FRMD6: variants seen among roughly 807,000 people sequenced by gnomAD.
FRMD6 encodes FERM domain-containing protein 6.
In FRMD6, 37 loss-of-function variants were observed where a neutral mutation model predicts 73.2. The ratio of observed to expected loss-of-function variants is 0.51; its 90% CI spans 0.39 to 0.66. FRMD6 has a LOEUF of 0.66. Among genes scored for constraint, FRMD6 ranks in the 30% least tolerant of loss-of-function variants. The probability of loss-of-function intolerance (pLI) is 0.00; values close to 1 mark genes in which losing one functional copy is unlikely to be tolerated. For synonymous variants in FRMD6, 273 were observed against 282.2 expected (o/e 0.97, Z 0.33); for missense variants, 714 against 780.5 (o/e 0.91, Z 1.02).
chr14:51,437,121 G>A, the FRMD6 span, among the ~76,000 whole-genome samples: 1 of 152,118 alleles, frequency 6.6e-6, no homozygotes, highest in Non-Finnish European at 1.5e-5. Flanking sequence ...TTCTCCTAAT[G>A]CTATCCCTCC....
At chr14:51,623,879 T>C (rs544406588) in intron 2 of FRMD6, among the ~76,000 whole-genome samples, 17 of 152,208 alleles carry the variant, frequency 1.1e-4, no homozygotes, top group Non-Finnish European at 2.5e-4. Flanking sequence ...ATGTCAATTA[T>C]AAGGCAAGAA....
intron 1 of FRMD6, among the ~76,000 whole-genome samples, chr14:51,558,502 A>C (rs552976063): frequency 6.6e-6 from 1 of 151,990 alleles, no homozygotes; most frequent in East Asian, 1.9e-4. Flanking sequence ...AAACTAAATG[A>C]GCAAATGAAT....
chr14:51,473,128 T>TTTCCG, the FRMD6 span, among the ~76,000 whole-genome samples: 1 of 152,178 alleles, frequency 6.6e-6, no homozygotes, highest in African/African-American at 2.4e-5. Context: ...CCCCTGCCGG[T>TTTCCG]CCTGCTGCTT....
intron 2 of FRMD6, among the ~76,000 whole-genome samples, chr14:51,589,279 T>G (rs1889233658): frequency 6.6e-6 from 1 of 152,176 alleles, no homozygotes; most frequent in Non-Finnish European, 1.5e-5. Context: ...CTCCTAGATT[T>G]TTGCTCCATG....
At chr14:51,427,058 A>G in the FRMD6 span, among the ~76,000 whole-genome samples, 1 of 152,216 alleles carries the variant, frequency 6.6e-6, no homozygotes, top group Non-Finnish European at 1.5e-5. Flanking sequence ...TCTAAGTCCT[A>G]TTGAAATGGT....
At chr14:51,538,050 T>C (rs1885993574) in intron 1 of FRMD6, among the ~76,000 whole-genome samples, 1 of 152,206 alleles carries the variant, frequency 6.6e-6, no homozygotes, top group African/African-American at 2.4e-5. Context: ...GGACCATGGC[T>C]TTGATCTTAT....
chr14:51,571,234 C>A (rs1888119331), intron 2 of FRMD6, among the ~76,000 whole-genome samples: 1 of 152,098 alleles, frequency 6.6e-6, no homozygotes, highest in South Asian at 2.1e-4. Flanking sequence ...TAAAAATTAG[C>A]CAGGCCTGGT....
In FRMD6 at chr14:51,715,311, G is replaced by C; in HGVS notation, c.850-14G>C. ...TTTTTCTTCCTGAATTTGATTCATG[G>C]TTTCCTTCCAAAGGGTAAGAAATTT... On this transcript the variant is annotated splice_polypyrimidine_tract_variant and intron_variant, in intron 9 of 13. Transcript: ENST00000344768. 8 of 1,491,774 alleles carry C rather than the reference G, an allele frequency of 5.4e-6. No homozygotes were observed. Among genetic ancestry groups the C allele is most frequent in the Non-Finnish European group, 7.2e-6 (8 of 1,112,634 alleles). 92.4% of individuals were successfully genotyped at this position (1,491,774 alleles called of 1,614,324 possible).
At chr14:51,647,980 C>T (rs930518431), upstream of FRMD6, among the ~76,000 whole-genome samples, 12 of 152,144 alleles carry the variant, frequency 7.9e-5, no homozygotes, top group African/African-American at 2.9e-4. Context: ...CATGTGCCAC[C>T]ATGCCTGGCT....
chr14:51,436,497 G>T, the FRMD6 span: 1 of 635,748 alleles, frequency 1.6e-6, no homozygotes, highest in Non-Finnish European at 2.7e-6. Flanking sequence ...TCTCTCCAAA[G>T]AATTTCATCT....
At chr14:51,590,278 C>T (rs997348419) in intron 2 of FRMD6, among the ~76,000 whole-genome samples, 1 of 152,066 alleles carries the variant, frequency 6.6e-6, no homozygotes, top group African/African-American at 2.4e-5. Context: ...AGATGTTTGA[C>T]CAGAGAACTA....
chr14:51,482,626 A>G, the FRMD6 span, among the ~76,000 whole-genome samples: 1 of 151,996 alleles, frequency 6.6e-6, no homozygotes, highest in Admixed American at 6.6e-5. Flanking sequence ...TAATACAACT[A>G]TATCTAGGAA....
Position 51,722,095 on chromosome 14 carries a change from G to A in FRMD6, c.1492+15G>A, listed in dbSNP as rs758728946. The A allele has an allele frequency of 3.1e-6, 5 of 1,613,140 alleles. No individual in the cohort carries two copies. In the Admixed American group the frequency reaches 5.0e-5, roughly 16 times the overall value. ...TGGACACTCTGGTGAGCTCTTACGG[G>A]AAGTTATTCTTCCTTGGTAGCAGGT... On this transcript the variant is annotated intron_variant, in intron 12 of 13. Transcript: ENST00000344768.
At chr14:51,628,839 A>G (rs1264858462) in intron 2 of FRMD6, among the ~76,000 whole-genome samples, 1 of 145,750 alleles carries the variant, frequency 6.9e-6, no homozygotes, top group Non-Finnish European at 1.5e-5. Context: ...ACATACACAT[A>G]CACTATGCCT....
the FRMD6 span, among the ~76,000 whole-genome samples, chr14:51,468,523 T>G: frequency 4.6e-5 from 7 of 152,202 alleles, no homozygotes; most frequent in Admixed American, 2.0e-4. Flanking sequence ...GAATTTTCTA[T>G]GAAAATTGAA....
At chr14:51,481,336 T>C in the FRMD6 span, among the ~76,000 whole-genome samples, 2 of 152,164 alleles carry the variant, frequency 1.3e-5, no homozygotes, top group Non-Finnish European at 2.9e-5. Flanking sequence ...AAAGCATGTC[T>C]TATATGGGGG....
the FRMD6 span, chr14:51,436,934 G>A: frequency 9.8e-7 from 1 of 1,017,344 alleles, no homozygotes; most frequent in Non-Finnish European, 1.4e-6. Flanking sequence ...TGAAGGGGAG[G>A]GAGAGGAGGA....
the FRMD6 span, chr14:51,436,388 T>C: frequency 4.4e-6 from 2 of 457,312 alleles, no homozygotes; most frequent in South Asian, 4.3e-5. Context: ...AGGCAGTGCA[T>C]TACTTGACCA....
the FRMD6 span, among the ~76,000 whole-genome samples, chr14:51,402,832 G>T: frequency 1.3e-5 from 2 of 152,006 alleles, no homozygotes; most frequent in South Asian, 4.1e-4. Flanking sequence ...TAGAGATGGG[G>T]TTTCACCCTG....
Sources: allele counts gnomAD v4.1 joint callset (sites outside exome capture counted in the v4.1 genomes callset), GRCh38; gene constraint gnomAD v4.1.1; transcripts MANE v1.5; gene names NCBI Gene and HGNC (gene_info 2026-07-23, HGNC 2026-07-21).